Variants in FAM178B observed in about 807,000 individuals in gnomAD.
FAM178B encodes family with sequence similarity 178 member B.
Under a neutral mutation model 91.7 loss-of-function variants are expected in FAM178B, and 82 were observed. That is an observed-to-expected ratio of 0.89 (90% CI 0.75 to 1.07). The LOEUF (loss-of-function observed/expected upper bound fraction) is 1.07. Among genes scored for constraint, FAM178B ranks in the 50% least tolerant of loss-of-function variants. The probability of loss-of-function intolerance (pLI) is 0.00; values close to 1 mark genes in which losing one functional copy is unlikely to be tolerated. For synonymous variants in FAM178B, 368 were observed against 359.4 expected, an observed-to-expected ratio of 1.02 and a Z score of -0.27; for missense variants, 769 against 846.7, an observed-to-expected ratio of 0.91 and a Z score of 1.14.
intron 8 of FAM178B, 42 bp downstream of exon 8, chr2:96,947,776 G>A (rs2081854070): frequency 2.6e-6 from 3 of 1,175,980 alleles, no homozygotes; most frequent in East Asian, 5.1e-5. Context: ...ACAGGCTTGG[G>A]AGCTCAGTGC....
rs371179531 is a variant in FAM178B at position 96,928,318 on chromosome 2, A to C, written c.1193+888T>G. Among the ~76,000 whole-genome samples the C allele has an allele frequency of 1.2e-4, 19 of 152,290 alleles. No homozygotes were observed. The South Asian group carries it at 1.9e-3, about 15-fold the overall frequency. On this transcript the variant is annotated intron_variant, in intron 9 of 16. Transcript: ENST00000490605. The stretch of plus-strand genomic sequence containing the variant: ...TCTCAAGAGAGTTTGGATGTGCTAA[A>C]ATTTGTAGAACAAGATGACGATATA...
At chr2:96,888,132 C>T (rs886172112) in intron 14 of FAM178B, among the ~76,000 whole-genome samples, 3 of 152,264 alleles carry the variant, frequency 2.0e-5, no homozygotes, top group Non-Finnish European at 4.4e-5. Context: ...AGGTCCCCCT[C>T]TCCTGGAGGG....
At chr2:96,983,777 G>C (rs143671404) in intron 1 of FAM178B, among the ~76,000 whole-genome samples, 1 of 152,306 alleles carries the variant, frequency 6.6e-6, no homozygotes, top group African/African-American at 2.4e-5. Context: ...TTATGCATGT[G>C]AAAATCATCC....
intron 12 of FAM178B, among the ~76,000 whole-genome samples, chr2:96,912,529 C>T (rs2081176041): frequency 6.6e-6 from 1 of 152,038 alleles, no homozygotes; most frequent in Non-Finnish European, 1.5e-5. Flanking sequence ...GTGCTGGTTG[C>T]TCATCAGGAA....
intron 8 of FAM178B, among the ~76,000 whole-genome samples, chr2:96,936,562 T>C (rs1159793767): frequency 6.9e-6 from 1 of 144,812 alleles, no homozygotes; most frequent in East Asian, 2.0e-4. Flanking sequence ...CAGGCTGGAG[T>C]GCAATGGCAT....
intron 1 of FAM178B, among the ~76,000 whole-genome samples, chr2:96,982,879 C>T (rs1054916301): frequency 4.7e-5 from 7 of 149,786 alleles, no homozygotes; most frequent in Admixed American, 1.3e-4. Flanking sequence ...TGCACCCAGT[C>T]TAATTTATTT....
At chr2:96,925,570 A>G (rs577674048) in intron 9 of FAM178B, among the ~76,000 whole-genome samples, 1 of 152,182 alleles carries the variant, frequency 6.6e-6, no homozygotes, top group Non-Finnish European at 1.5e-5. Flanking sequence ...TCAACGGCCT[A>G]TCTATTATCC....
chr2:96,883,523 G>A (rs1480319076), intron 14 of FAM178B, among the ~76,000 whole-genome samples: 4 of 152,232 alleles, frequency 2.6e-5, no homozygotes, highest in Non-Finnish European at 5.9e-5. Context: ...CTCTCCTGGA[G>A]GCTGCCAGAC....
At chr2:96,982,372 C>T (rs997661382) in intron 1 of FAM178B, among the ~76,000 whole-genome samples, 2 of 152,102 alleles carry the variant, frequency 1.3e-5, no homozygotes, top group African/African-American at 4.8e-5. Flanking sequence ...AAGTCATCCT[C>T]CCACCTCAGC....
chr2:96,897,301 G>C (rs2153368949), intron 13 of FAM178B, among the ~76,000 whole-genome samples: 1 of 152,330 alleles, frequency 6.6e-6, no homozygotes, highest in Non-Finnish European at 1.5e-5. Flanking sequence ...TGTCTAGTAA[G>C]TATCTGTCAA....
intron 9 of FAM178B, among the ~76,000 whole-genome samples, chr2:96,928,975 C>G (rs1245997968): frequency 4.2e-5 from 4 of 95,616 alleles, no homozygotes; most frequent in Non-Finnish European, 5.4e-5. Context: ...CGTAGGGAGA[C>G]CCCCCCCCGC....
intron 4 of FAM178B, 54 bp downstream of exon 4, chr2:96,970,662 G>A: frequency 7.2e-7 from 1 of 1,388,610 alleles, no homozygotes; most frequent in Non-Finnish European, 1.0e-6. Flanking sequence ...TCCCGGGACT[G>A]CTGCCAACCC....
intron 8 of FAM178B, 149 bp from the exon 9 acceptor site, chr2:96,929,469 G>C: frequency 1.6e-6 from 1 of 644,772 alleles, no homozygotes. Flanking sequence ...GGGAAATGAA[G>C]CAACTGGTGG....
intron 5 of FAM178B, among the ~76,000 whole-genome samples, chr2:96,963,636 G>A (rs958171344): frequency 2.0e-5 from 3 of 152,196 alleles, no homozygotes; most frequent in African/African-American, 7.2e-5. Flanking sequence ...CACCAGTCAG[G>A]AGGCAGGGGT....
chr2:96,883,387 A>G (rs1262825169), intron 14 of FAM178B, among the ~76,000 whole-genome samples: 1 of 152,190 alleles, frequency 6.6e-6, no homozygotes, highest in Non-Finnish European at 1.5e-5. Context: ...GGGGGGCAGG[A>G]AAGGAGGACG....
chr2:96,979,110 G>A (rs541021754), intron 1 of FAM178B, among the ~76,000 whole-genome samples: 30 of 150,414 alleles, frequency 2.0e-4, no homozygotes, highest in African/African-American at 6.6e-4. Flanking sequence ...CTGAGTAGCT[G>A]GGACTACAGA....
intron 13 of FAM178B, chr2:96,898,238 A>G (rs541706393): frequency 1.9e-6 from 1 of 540,374 alleles, no homozygotes; most frequent in East Asian, 1.5e-4. Context: ...CCGGGACTAA[A>G]GCCCAAGGAC....
In FAM178B at chr2:96,892,620, C is replaced by CA. The variant is rs1337026449; in HGVS notation, c.1776+1305_1776+1306insT. Among the ~76,000 whole-genome samples the CA allele has an allele frequency of 3.9e-5, 6 of 152,322 alleles. No individual in the cohort carries two copies. In the South Asian group the frequency reaches 1.0e-3, roughly 26 times the overall value. On this transcript the variant is annotated intron_variant, in intron 14 of 16. Transcript: ENST00000490605. ...TTCTGCCACCTGGATAGCCTCTGTA[C>CA]CAGAGTGAGCCTGGCAGGAATCACA...
At chr2:96,944,532 T>C (rs1264320764) in intron 8 of FAM178B, among the ~76,000 whole-genome samples, 1 of 152,018 alleles carries the variant, frequency 6.6e-6, no homozygotes, top group Non-Finnish European at 1.5e-5. Flanking sequence ...GAGAACACAG[T>C]GGTGGTGGCA....
Sources: allele counts gnomAD v4.1 joint callset (sites outside exome capture counted in the v4.1 genomes callset), GRCh38; gene constraint gnomAD v4.1.1; transcripts MANE v1.5; gene names NCBI Gene and HGNC (gene_info 2026-07-23, HGNC 2026-07-21).